The following SGCD variants were observed in gnomAD, a reference collection of about 807,000 sequenced individuals.
SGCD encodes the protein sarcoglycan delta.
Under a neutral mutation model 36.6 loss-of-function variants are expected in SGCD, and 18 were observed. The observed-to-expected ratio is 0.49, with a 90% CI of 0.34 to 0.73. The LOEUF (loss-of-function observed/expected upper bound fraction) is 0.73, where lower values mean the gene tolerates loss of function less well. Ranked by LOEUF, SGCD falls within the 30% of genes least tolerant of loss-of-function variation. SGCD has a pLI of 0.01. For synonymous variants in SGCD, 133 were observed against 130.6 expected, an observed-to-expected ratio of 1.02 and a Z score of -0.12; for missense variants, 387 against 346.7, an observed-to-expected ratio of 1.12 and a Z score of -0.92.
chr5:155,934,207 C>A (rs1757152821), intron 1 of SGCD, among the ~76,000 whole-genome samples: 1 of 152,128 alleles, frequency 6.6e-6, no homozygotes, highest in South Asian at 2.1e-4. Context: ...AGGTGCAGAG[C>A]CACACGAAGT....
At chr5:156,383,260 T>G (rs1372296109) in intron 3 of SGCD, among the ~76,000 whole-genome samples, 1 of 152,060 alleles carries the variant, frequency 6.6e-6, no homozygotes, top group Admixed American at 6.5e-5. Flanking sequence ...TCCCAGCACT[T>G]TGGGAGGCCG....
chr5:155,841,112 A>G, the SGCD span, among the ~76,000 whole-genome samples: 6 of 151,048 alleles, frequency 4.0e-5, no homozygotes, highest in South Asian at 4.2e-4. Flanking sequence ...TAACAGATGT[A>G]CAGGCCGAGG....
intron 1 of SGCD, among the ~76,000 whole-genome samples, chr5:155,948,078 A>G (rs973249178): frequency 2.0e-5 from 3 of 152,106 alleles, no homozygotes; most frequent in African/African-American, 4.8e-5. Flanking sequence ...GGAGTTCAAG[A>G]CTGGGTGACC....
At chr5:156,344,886 C>A (rs1222646423) in intron 3 of SGCD, among the ~76,000 whole-genome samples, 1 of 152,192 alleles carries the variant, frequency 6.6e-6, no homozygotes, top group Non-Finnish European at 1.5e-5. Context: ...AATACTCCAA[C>A]TTAAAGATAT....
At chr5:155,856,957 G>C in the SGCD span, among the ~76,000 whole-genome samples, 1 of 152,222 alleles carries the variant, frequency 6.6e-6, no homozygotes, top group Middle Eastern at 3.2e-3. Flanking sequence ...AAACAGGCCA[G>C]GTGCAGTGGC....
At chr5:155,728,403 G>T in the SGCD span, among the ~76,000 whole-genome samples, 4 of 152,204 alleles carry the variant, frequency 2.6e-5, no homozygotes, top group South Asian at 2.1e-4. Context: ...CTGGTCCCAG[G>T]CGAGCCTGGC....
chr5:156,090,690 A>G (rs1163546910), intron 1 of SGCD, among the ~76,000 whole-genome samples: 1 of 152,180 alleles, frequency 6.6e-6, no homozygotes, highest in African/African-American at 2.4e-5. Flanking sequence ...AGTAAGCCTG[A>G]GGGCACTGCA....
At chr5:156,492,036 C>T (rs1237946456) in intron 3 of SGCD, among the ~76,000 whole-genome samples, 2 of 152,022 alleles carry the variant, frequency 1.3e-5, no homozygotes, top group African/African-American at 4.8e-5. Flanking sequence ...ATTGTTACCA[C>T]AAAGCCTAAA....
intron 1 of SGCD, among the ~76,000 whole-genome samples, chr5:155,944,641 C>G (rs1185667488): frequency 6.6e-6 from 1 of 152,064 alleles, no homozygotes; most frequent in Non-Finnish European, 1.5e-5. Context: ...TGAAGACATA[C>G]TGTGTTAAGT....
intron 3 of SGCD, among the ~76,000 whole-genome samples, chr5:156,159,807 T>C (rs1763048854): frequency 6.6e-6 from 1 of 151,694 alleles, no homozygotes; most frequent in Non-Finnish European, 1.5e-5. Flanking sequence ...TAATATATTG[T>C]AAGCATTTTT....
At chr5:155,766,946 G>A in the SGCD span, among the ~76,000 whole-genome samples, 1 of 152,062 alleles carries the variant, frequency 6.6e-6, no homozygotes, top group African/African-American at 2.4e-5. Context: ...TGTAGAAAGT[G>A]ACCAACCATG....
intron 3 of SGCD, among the ~76,000 whole-genome samples, chr5:156,358,748 C>T (rs955941466): frequency 6.6e-6 from 1 of 152,006 alleles, no homozygotes; most frequent in Non-Finnish European, 1.5e-5. Flanking sequence ...GCTTTCAAGT[C>T]AAGATGATTG....
chr5:156,256,116 T>C (rs1232772944), intron 3 of SGCD, among the ~76,000 whole-genome samples: 1 of 152,186 alleles, frequency 6.6e-6, no homozygotes, highest in Non-Finnish European at 1.5e-5. Flanking sequence ...TTCCCAGTTC[T>C]GGGTTTTGCA....
intron 1 of SGCD, among the ~76,000 whole-genome samples, chr5:156,077,823 T>A (rs1393178131): frequency 6.6e-6 from 1 of 152,132 alleles, no homozygotes; most frequent in Non-Finnish European, 1.5e-5. Flanking sequence ...CGGTTTCTGC[T>A]CCTGGACAGA....
At chr5:155,822,076 A>T in the SGCD span, among the ~76,000 whole-genome samples, 8 of 152,232 alleles carry the variant, frequency 5.3e-5, no homozygotes, top group African/African-American at 1.9e-4. Context: ...TGCTGGGGAT[A>T]CAGAAATGAT....
intron 7 of SGCD, among the ~76,000 whole-genome samples, chr5:156,686,949 G>A (rs1490591076): frequency 2.0e-5 from 3 of 152,120 alleles, no homozygotes; most frequent in African/African-American, 4.8e-5. Context: ...CCCTCTGGGG[G>A]CAGTCCCATT....
chr5:155,801,913 T>C, the SGCD span, among the ~76,000 whole-genome samples: 1 of 152,146 alleles, frequency 6.6e-6, no homozygotes, highest in African/African-American at 2.4e-5. Flanking sequence ...CTTGTTGGAG[T>C]TTAGATACTG....
At chr5:155,906,270 G>A (rs1443754300) in intron 1 of SGCD, among the ~76,000 whole-genome samples, 1 of 151,912 alleles carries the variant, frequency 6.6e-6, no homozygotes, top group Non-Finnish European at 1.5e-5. Flanking sequence ...TCCTCTTCTT[G>A]AGCTTCCCTA....
At chr5:155,762,503 G>A in the SGCD span, among the ~76,000 whole-genome samples, 1 of 152,094 alleles carries the variant, frequency 6.6e-6, no homozygotes, top group Non-Finnish European at 1.5e-5. Flanking sequence ...CATAGTAATA[G>A]CAATAGCTGT....
Sources: gnomAD v4.1 joint callset for allele counts (sites outside exome capture counted in the v4.1 genomes callset) on GRCh38, gnomAD v4.1.1 for gene constraint, MANE v1.5 for transcripts, NCBI Gene and HGNC (gene_info 2026-07-23, HGNC 2026-07-21) for gene names.